NT5DC1: variants seen among roughly 807,000 people sequenced by gnomAD.
NT5DC1 encodes 5'-nucleotidase domain containing 1.
A neutral mutation model predicts 59.4 loss-of-function variants in NT5DC1; 42 were observed. That is an observed-to-expected ratio of 0.71 (90% CI 0.55 to 0.92). The LOEUF is 0.92. Among genes scored for constraint, NT5DC1 ranks in the 40% least tolerant of loss-of-function variants. NT5DC1 has a pLI of 0.00. For synonymous variants in NT5DC1, 172 were observed against 188.1 expected, an observed-to-expected ratio of 0.91 and a Z score of 0.70; for missense variants, 501 against 537.1, an observed-to-expected ratio of 0.93 and a Z score of 0.66.
chr6:116,238,985 T>C lies in NT5DC1; in HGVS notation c.1114T>C (p.Ser372Pro). 1 of 1,605,956 alleles carries C rather than the reference T, an allele frequency of 6.2e-7. No homozygotes were observed. Among genetic ancestry groups the C allele is most frequent in the Non-Finnish European group, 8.5e-7 (1 of 1,173,024 alleles). ...AAAAGCAAAACCTTTAAATACTTCATCTAAAAAATGGGGCTCTTTTTTTAT... is the reference window on the plus strand; with the variant it reads ...AAAAGCAAAACCTTTAAATACTTCACCTAAAAAATGGGGCTCTTTTTTTAT... ...GPKAKPLNTSSKKWGSFFIDS... is the reference protein window; with the variant it reads ...GPKAKPLNTSPKKWGSFFIDS... The change falls in exon 11 of 12, where the codon TCT (serine) becomes CCT (proline). Residue 372 changes from serine to proline, a missense_variant. Ser to Pro is a moderately conservative substitution (Grantham distance 74). Coordinates refer to ENST00000319550, the MANE Select transcript of NT5DC1 (RefSeq NM_152729.3).
At position 116,108,413 on chromosome 6, in the gene NT5DC1, G is replaced by A; in HGVS notation, c.235G>A (p.Ala79Thr). Reference sequence around the variant, plus strand: ...AGAAGATGGGAACTTCCTTAAACTTGCAAATAATGGCACTGTTCTCAGGTA... The same window carrying A: ...AGAAGATGGGAACTTCCTTAAACTTACAAATAATGGCACTGTTCTCAGGTA... ...DLEDGNFLKL[A>T]NNGTVLRASH... The change falls in exon 3 of 12, where the codon GCA becomes ACA. Residue 79 changes from alanine (A) to threonine (T), a missense_variant. By Grantham distance (58) the Ala-to-Thr change is moderately conservative. Coordinates refer to ENST00000319550, the MANE Select transcript of NT5DC1 (RefSeq NM_152729.3). 1 of 1,604,116 alleles carries A rather than the reference G, an allele frequency of 6.2e-7. No individual in the cohort carries two copies. The highest frequency in any genetic ancestry group is 8.5e-7 in the Non-Finnish European group (1 of 1,171,068).
At chr6:116,205,527 A>G (rs960821524) in intron 6 of NT5DC1, among the ~76,000 whole-genome samples, 1 of 151,964 alleles carries the variant, frequency 6.6e-6, no homozygotes, top group African/African-American at 2.4e-5. Flanking sequence ...GTCTCTACAC[A>G]GATATACAGA....
intron 6 of NT5DC1, among the ~76,000 whole-genome samples, chr6:116,159,466 T>C (rs1454954318): frequency 6.6e-6 from 1 of 152,228 alleles, no homozygotes; most frequent in Non-Finnish European, 1.5e-5. Context: ...CCATGCATTA[T>C]AGAATGTCTT....
intron 6 of NT5DC1, among the ~76,000 whole-genome samples, chr6:116,157,628 G>A (rs1275967188): frequency 6.6e-6 from 1 of 152,130 alleles, no homozygotes; most frequent in African/African-American, 2.4e-5. Context: ...AAAATTACAT[G>A]AAACCACAAG....
At chr6:116,161,659 T>C (rs1396736275) in intron 6 of NT5DC1, among the ~76,000 whole-genome samples, 1 of 152,222 alleles carries the variant, frequency 6.6e-6, no homozygotes, top group Non-Finnish European at 1.5e-5. Flanking sequence ...AGTCAGGTTA[T>C]GTAATGCTTG....
At chr6:116,203,194 A>C (rs1240461102) in intron 6 of NT5DC1, among the ~76,000 whole-genome samples, 1 of 151,980 alleles carries the variant, frequency 6.6e-6, no homozygotes, top group Non-Finnish European at 1.5e-5. Flanking sequence ...TTAGATTCTC[A>C]TTTAATGTGA....
chr6:116,186,435 T>TG (rs1385813044), intron 6 of NT5DC1, among the ~76,000 whole-genome samples: 1 of 152,014 alleles, frequency 6.6e-6, no homozygotes, highest in Non-Finnish European at 1.5e-5. Context: ...CTAGCAAGGC[T>TG]GGGGAAGTTG....
At chr6:116,181,478 A>G (rs1199025712) in intron 6 of NT5DC1, among the ~76,000 whole-genome samples, 1 of 152,136 alleles carries the variant, frequency 6.6e-6, no homozygotes, top group Admixed American at 6.6e-5. Flanking sequence ...TAAAAACCAT[A>G]GGAAACTAGG....
intron 6 of NT5DC1, among the ~76,000 whole-genome samples, chr6:116,212,568 AAATT>A (rs1190167325): frequency 1.5e-4 from 23 of 152,258 alleles, no homozygotes; most frequent in East Asian, 5.8e-4. Context: ...TATCTGAACT[AAATT>A]AATTAAGGAA....
At chr6:116,128,450 A>G (rs980109656) in intron 6 of NT5DC1, among the ~76,000 whole-genome samples, 10 of 152,112 alleles carry the variant, frequency 6.6e-5, no homozygotes, top group African/African-American at 2.2e-4. Flanking sequence ...CACTCAAAAC[A>G]GAGAGCCATA....
At chr6:116,158,079 A>T (rs1562143205) in intron 6 of NT5DC1, among the ~76,000 whole-genome samples, 1 of 152,222 alleles carries the variant, frequency 6.6e-6, no homozygotes, top group Non-Finnish European at 1.5e-5. Context: ...TCAAAAAGTC[A>T]ATTTCTCTGA....
At chr6:116,199,842 A>G (rs1482729078) in intron 6 of NT5DC1, among the ~76,000 whole-genome samples, 1 of 152,064 alleles carries the variant, frequency 6.6e-6, no homozygotes, top group Non-Finnish European at 1.5e-5. Context: ...GTGATTAACA[A>G]GTAAATAAAT....
chr6:116,117,159 T>A (rs1330614134), intron 5 of NT5DC1, among the ~76,000 whole-genome samples: 2 of 152,210 alleles, frequency 1.3e-5, no homozygotes, highest in African/African-American at 4.8e-5. Context: ...CATAGTATGT[T>A]ATATAACACA....
At position 116,181,650 on chromosome 6, in the gene NT5DC1, T is replaced by G. The variant is rs552581648; in HGVS notation, c.530-39404T>G. ...GTTGTATATCCAGATCCCAACACAA[T>G]CAATTGGAAACTTACAAAATGCAAG... On this transcript the variant is annotated intron_variant, in intron 6 of 11. Coordinates refer to ENST00000319550, the MANE Select transcript of NT5DC1 (RefSeq NM_152729.3). 6.6e-5 allele frequency among the ~76,000 whole-genome samples: 10 copies of G among 151,864 alleles called. No homozygotes were observed. The South Asian group carries it at 1.5e-3, about 22-fold the overall frequency.
chr6:116,135,872 T>TACACACAC (rs71554839), intron 6 of NT5DC1, among the ~76,000 whole-genome samples: 216 of 121,286 alleles, frequency 1.8e-3, no homozygotes, highest in African/African-American at 7.4e-3. Context: ...TATATATATA[T>TACACACAC]ACACACATAC....
In NT5DC1 at chr6:116,168,103, A is replaced by T. The variant is rs371321633; in HGVS notation, c.529+50158A>T. Among the ~76,000 whole-genome samples, 1,254 of 144,002 alleles carry T rather than the reference A, an allele frequency of 8.7e-3. 22 individuals are homozygous for T. Among genetic ancestry groups the T allele is most frequent in the African/African-American group, 0.029 (1,140 of 39,782 alleles). 94.5% of individuals were successfully genotyped at this position (144,002 alleles called of 152,430 possible). ...GGTGTCTTTTTTTTTTTTTTTTTTT[A>T]AATTCTCCTTGGAGGGCTTCTCAGA... is the stretch of plus-strand genomic sequence containing the variant. On this transcript the variant is annotated intron_variant, in intron 6 of 11. Coordinates refer to ENST00000319550, the MANE Select transcript of NT5DC1 (RefSeq NM_152729.3).
chr6:116,173,358 A>G (rs148774504), intron 6 of NT5DC1, among the ~76,000 whole-genome samples: 4 of 152,312 alleles, frequency 2.6e-5, no homozygotes, highest in African/African-American at 9.6e-5. Context: ...AACAATCTGA[A>G]GTTGAAATAC....
chr6:116,144,798 T>A (rs904425312), intron 6 of NT5DC1, among the ~76,000 whole-genome samples: 1 of 152,130 alleles, frequency 6.6e-6, no homozygotes, highest in Non-Finnish European at 1.5e-5. Context: ...CCCTGACAAC[T>A]GTGAGTTAGT....
chr6:116,112,260 C>T (rs931613491), intron 4 of NT5DC1, among the ~76,000 whole-genome samples: 32 of 152,056 alleles, frequency 2.1e-4, no homozygotes, highest in African/African-American at 7.5e-4. Context: ...GGTTGTGACA[C>T]ATAATAGAGG....
Sources: gnomAD v4.1 joint callset for allele counts (sites outside exome capture counted in the v4.1 genomes callset) on GRCh38, gnomAD v4.1.1 for gene constraint, MANE v1.5 for transcripts, NCBI Gene and HGNC (gene_info 2026-07-23, HGNC 2026-07-21) for gene names.